The following PCDHGB4 variants were observed in gnomAD, a reference collection of about 807,000 sequenced individuals.
The protein encoded by PCDHGB4 is protocadherin gamma-B4.
PCDHGB4 carries 38 observed loss-of-function variants against 60.5 expected under a neutral mutation model. That is an observed-to-expected ratio of 0.63 (90% confidence interval 0.48 to 0.82). PCDHGB4 has a LOEUF of 0.82. PCDHGB4 is among the 40% of genes least tolerant of loss of function. The pLI is 0.00. For missense variants in PCDHGB4, 1,109 were observed against 1,209.6 expected, an observed-to-expected ratio of 0.92 and a Z score of 1.23; for synonymous variants, 456 against 509.7, an observed-to-expected ratio of 0.89 and a Z score of 1.42.
Position 141,489,111 on chromosome 5 carries a change from C to T in PCDHGB4, c.2398-5696C>T. The T allele has an allele frequency of 1.9e-6, 1 of 518,040 alleles. No individual in the cohort carries two copies. Among genetic ancestry groups the T allele is most frequent in the African/African-American group, 1.9e-5 (1 of 51,336 alleles). The allele number at this position is 518,040 out of a possible 1,614,324, so 32.1% of individuals were successfully genotyped here. ...GTGACTAAGAACTGCTGCAAGCAGG[C>T]AAACCTCCGAGCAGTTTTTAAGAGG... On this transcript the variant is annotated intron_variant, in intron 1 of 3. Transcript: ENST00000519479. This position sits in a 1 kb window ranked among gnomAD's most constrained non-coding sequence, Gnocchi z 4.5.
intron 1 of PCDHGB4, among the ~76,000 whole-genome samples, chr5:141,401,414 A>G (rs539285035): frequency 1.3e-5 from 2 of 152,350 alleles, no homozygotes; most frequent in African/African-American, 4.8e-5. Flanking sequence ...AGAGAAAGAG[A>G]GAGACTGATT....
At chr5:141,409,590 A>G (rs755702950) in intron 1 of PCDHGB4, 1 of 1,613,898 alleles carries the variant, frequency 6.2e-7, no homozygotes, top group Non-Finnish European at 8.5e-7. Context: ...CACGTGGCCG[A>G]GAACAACCCG....
chr5:141,502,694 G>A (rs1039264846), intron 2 of PCDHGB4, among the ~76,000 whole-genome samples: 5 of 152,180 alleles, frequency 3.3e-5, no homozygotes, highest in African/African-American at 1.2e-4. Flanking sequence ...ATCCTTGCCT[G>A]TATCTGTTTT....
Position 141,435,556 on chromosome 5 carries a change from G to C in PCDHGB4, c.2397+45275G>C, listed in dbSNP as rs568743865. ...AGAATTAACAAAATGTGTTTTGAGT[G>C]CTTTTTTTAGTACTGGGGCAAATTT... is the stretch of plus-strand genomic sequence containing the variant. On this transcript the variant is annotated intron_variant, in intron 1 of 3. Transcript: ENST00000519479. Among the ~76,000 whole-genome samples, 7 of 152,242 alleles carry C rather than the reference G, an allele frequency of 4.6e-5. 1 individual carries two copies. Among genetic ancestry groups the C allele is most frequent in the African/African-American group, 1.4e-4 (6 of 41,544 alleles).
chr5:141,485,105 G>A lies in PCDHGB4; in HGVS notation c.2398-9702G>A. On this transcript the variant is annotated intron_variant, in intron 1 of 3. Transcript: ENST00000519479. The surrounding 1 kb of genome is among the most constrained non-coding windows in gnomAD (Gnocchi z 5.7). ...AGGGAGATAGGTGTCTCCAGCTGCT[G>A]TGGCTGTTTGGGGCGGGTCGGCTTC... 8.3e-7 allele frequency: 1 copy of A among 1,205,940 alleles called. No individual in the cohort carries two copies. Among genetic ancestry groups the A allele is most frequent in the Non-Finnish European group, 1.2e-6 (1 of 827,784 alleles). The allele number at this position is 1,205,940 out of a possible 1,614,324, so 74.7% of individuals were successfully genotyped here.
chr5:141,421,574 A>C, intron 1 of PCDHGB4: 1 of 1,613,924 alleles, frequency 6.2e-7, no homozygotes. Flanking sequence ...GACACCTTGA[A>C]GATTTACGGA....
At position 141,489,876 on chromosome 5, in the gene PCDHGB4, T is replaced by C. The variant is rs2099693265; in HGVS notation, c.2398-4931T>C. ...CCCAGGCAAGACATCAGCTGGTGCT[T>C]ACTGCTGTGGATGGGGGGACCCCAG... On this transcript the variant is annotated intron_variant, in intron 1 of 3. Transcript: ENST00000519479. This position sits in a 1 kb window ranked among gnomAD's most constrained non-coding sequence, Gnocchi z 4.5. The C allele has an allele frequency of 6.2e-7, 1 of 1,614,098 alleles. No homozygotes were observed. The highest frequency in any genetic ancestry group is 1.1e-5 in the South Asian group (1 of 91,094).
chr5:141,435,745 A>T (rs2097777848), intron 1 of PCDHGB4, among the ~76,000 whole-genome samples: 1 of 152,184 alleles, frequency 6.6e-6, no homozygotes, highest in African/African-American at 2.4e-5. Context: ...TTTGAAAAGC[A>T]TTGCTTGATT....
At chr5:141,441,911 T>TGAG in intron 1 of PCDHGB4, 1 of 348,148 alleles carries the variant, frequency 2.9e-6, no homozygotes, top group Non-Finnish European at 5.5e-6. Context: ...GACGCAGATG[T>TGAG]GAGACACAAT....
Position 141,388,189 on chromosome 5 carries a change from G to A in PCDHGB4, c.305G>A (p.Cys102Tyr). The A allele has an allele frequency of 1.3e-6, 2 of 1,542,748 alleles. No homozygotes were observed. The highest frequency in any genetic ancestry group is 1.7e-5 in the Admixed American group (1 of 57,334). ...GAGATATGCGGGAAGAAGCCAGCTT[G>A]TGCTCTGGAATTTGAGGCTGTTGCT... Reference protein sequence around the residue: ...REEICGKKPACALEFEAVAEN... With the variant: ...REEICGKKPAYALEFEAVAEN... Residue 102 changes from cysteine to tyrosine, a missense_variant, in exon 1 of 4, where the codon TGT becomes TAT. By Grantham distance (194) the Cys-to-Tyr change is radical. Transcript: ENST00000519479.
In PCDHGB4 at chr5:141,476,883, A is replaced by G. The variant is rs1266909654; in HGVS notation, c.2398-17924A>G. ...TTGTACCGGGCGCGCGTCCTGGAGG[A>G]TGCACCCTCCGGCACGCGCGTGGTA... On this transcript the variant is annotated intron_variant, in intron 1 of 3. Coordinates refer to ENST00000519479, the MANE Select transcript of PCDHGB4 (RefSeq NM_003736.4). This position sits in a 1 kb window ranked among gnomAD's most constrained non-coding sequence, Gnocchi z 7.6. 1 of 1,613,916 alleles carries G rather than the reference A, an allele frequency of 6.2e-7. No individual in the cohort carries two copies. The highest frequency in any genetic ancestry group is 8.5e-7 in the Non-Finnish European group (1 of 1,180,026).
At chr5:141,470,025 A>T (rs2099219670) in intron 1 of PCDHGB4, among the ~76,000 whole-genome samples, 1 of 152,156 alleles carries the variant, frequency 6.6e-6, no homozygotes, top group African/African-American at 2.4e-5. Context: ...GCTACTCGGG[A>T]TGCTGAGGCG....
chr5:141,473,857 G>A (rs981688765), intron 1 of PCDHGB4, among the ~76,000 whole-genome samples: 1 of 152,164 alleles, frequency 6.6e-6, no homozygotes, highest in Non-Finnish European at 1.5e-5. Context: ...GATGAACCTC[G>A]CTATTGTGGA....
At chr5:141,393,664 T>G in intron 1 of PCDHGB4, 1 of 1,613,772 alleles carries the variant, frequency 6.2e-7, no homozygotes, top group Non-Finnish European at 8.5e-7. Flanking sequence ...TTCCGGAAAA[T>G]TAATGAAAAA....
chr5:141,476,864 C>T lies in PCDHGB4; in HGVS notation c.2398-17943C>T, dbSNP rs1318457627. ...GCCTGTCTTCAACCAGTCCTTGTAC[C>T]GGGCGCGCGTCCTGGAGGATGCACC... is the stretch of plus-strand genomic sequence containing the variant. On this transcript the variant is annotated intron_variant, in intron 1 of 3. Coordinates refer to ENST00000519479, the MANE Select transcript of PCDHGB4 (RefSeq NM_003736.4). This position sits in a 1 kb window ranked among gnomAD's most constrained non-coding sequence, Gnocchi z 7.6. 4.3e-6 allele frequency: 7 copies of T among 1,613,838 alleles called. No homozygotes were observed. Among genetic ancestry groups the T allele is most frequent in the Non-Finnish European group, 5.9e-6 (7 of 1,180,044 alleles).
In PCDHGB4 at chr5:141,476,303, G is replaced by T. The variant is rs747567754; in HGVS notation, c.2398-18504G>T. ...TGGTTTGGATCTCGGTAGCCTCTCA[G>T]CCCGCAGGTTCCGGGTGGTGTCTGG... is the stretch of plus-strand genomic sequence containing the variant. On this transcript the variant is annotated intron_variant, in intron 1 of 3. Coordinates refer to ENST00000519479, the MANE Select transcript of PCDHGB4 (RefSeq NM_003736.4). The surrounding 1 kb of genome is among the most constrained non-coding windows in gnomAD (Gnocchi z 7.6). 6.2e-7 allele frequency: 1 copy of T among 1,613,872 alleles called. No individual in the cohort carries two copies. Among genetic ancestry groups the T allele is most frequent in the Admixed American group, 1.7e-5 (1 of 60,000 alleles).
intron 1 of PCDHGB4, among the ~76,000 whole-genome samples, chr5:141,479,129 C>T (rs2099488562): frequency 6.6e-6 from 1 of 152,154 alleles, no homozygotes; most frequent in South Asian, 2.1e-4. Context: ...AAATGATGTG[C>T]ACCCTGCTTA....
At chr5:141,483,753 G>A (rs1316976446) in intron 1 of PCDHGB4, among the ~76,000 whole-genome samples, 1 of 152,082 alleles carries the variant, frequency 6.6e-6, no homozygotes, top group Non-Finnish European at 1.5e-5. Flanking sequence ...CCTGAGGATC[G>A]AGGCTTGGAA....
At position 141,404,170 on chromosome 5, in the gene PCDHGB4, G is replaced by A. The variant is rs73279089; in HGVS notation, c.2397+13889G>A. 22 of 1,612,630 alleles carry A rather than the reference G, an allele frequency of 1.4e-5. No individual in the cohort carries two copies. In the East Asian group the frequency reaches 1.8e-4, roughly 13 times the overall value. On this transcript the variant is annotated intron_variant, in intron 1 of 3. Coordinates refer to ENST00000519479, the MANE Select transcript of PCDHGB4 (RefSeq NM_003736.4). ...AAGAAGATTATTACAGATTGTTGACGGCCCAAATTCTTGACCGAGAAAAAG... is the reference window on the plus strand; with the variant it reads ...AAGAAGATTATTACAGATTGTTGACAGCCCAAATTCTTGACCGAGAAAAAG...
Sources: allele counts gnomAD v4.1 joint callset (sites outside exome capture counted in the v4.1 genomes callset), GRCh38; gene constraint gnomAD v4.1.1; non-coding constraint Gnocchi (gnomAD v3.1); transcripts MANE v1.5; gene names NCBI Gene and HGNC (gene_info 2026-07-23, HGNC 2026-07-21).